Variants in CSGALNACT1 observed in about 807,000 individuals in gnomAD.
CSGALNACT1 encodes the protein beta4GalNAcT-1.
A neutral mutation model predicts 51.0 loss-of-function variants in CSGALNACT1; 52 were observed. The observed-to-expected ratio is 1.02, with a 90% CI of 0.82 to 1.29. The LOEUF (loss-of-function observed/expected upper bound fraction) is 1.29, where lower values mean the gene tolerates loss of function less well. Ranked by LOEUF, CSGALNACT1 falls within the 50% of genes most tolerant of loss-of-function variation. CSGALNACT1 has a pLI of 0.00. For missense variants in CSGALNACT1, 935 were observed against 679.2 expected, an observed-to-expected ratio of 1.38 and a Z score of -4.19; for synonymous variants, 341 against 254.4, an observed-to-expected ratio of 1.34 and a Z score of -3.24.
At chr8:19,521,023 C>T (rs935314893) in intron 3 of CSGALNACT1, among the ~76,000 whole-genome samples, 1 of 152,108 alleles carries the variant, frequency 6.6e-6, no homozygotes, top group Non-Finnish European at 1.5e-5. Flanking sequence ...ATGCAGAATG[C>T]CCTTTCAACA....
At chr8:19,647,034 G>C (rs577882629) in intron 1 of CSGALNACT1, among the ~76,000 whole-genome samples, 1 of 152,200 alleles carries the variant, frequency 6.6e-6, no homozygotes, top group South Asian at 2.1e-4. Flanking sequence ...TTACCACCGA[G>C]CACCTGTAAG....
At chr8:19,475,478 G>C (rs2069344793) in intron 4 of CSGALNACT1, among the ~76,000 whole-genome samples, 1 of 152,138 alleles carries the variant, frequency 6.6e-6, no homozygotes. Flanking sequence ...TCACCATAAA[G>C]TTTTGAAGGA....
At chr8:19,418,412 C>T (rs2057299221) in intron 8 of CSGALNACT1, among the ~76,000 whole-genome samples, 2 of 152,158 alleles carry the variant, frequency 1.3e-5, no homozygotes, top group African/African-American at 4.8e-5. Context: ...GTGATGGAAA[C>T]TATGAAGGTG....
At chr8:19,694,074 T>C (rs2061464923) in intron 1 of CSGALNACT1, among the ~76,000 whole-genome samples, 1 of 152,184 alleles carries the variant, frequency 6.6e-6, no homozygotes, top group African/African-American at 2.4e-5. Context: ...ATAATACTTA[T>C]ATTATTGAGT....
intron 1 of CSGALNACT1, among the ~76,000 whole-genome samples, chr8:19,751,971 T>C (rs1397321650): frequency 6.6e-6 from 1 of 151,348 alleles, no homozygotes; most frequent in African/African-American, 2.4e-5. Flanking sequence ...GACTAATACA[T>C]GTGTATATTT....
intron 6 of CSGALNACT1, among the ~76,000 whole-genome samples, chr8:19,437,332 T>A (rs1051501979): frequency 1.3e-5 from 2 of 152,126 alleles, no homozygotes; most frequent in African/African-American, 4.8e-5. Flanking sequence ...TGCTCCCAGT[T>A]TGGCTAGGGA....
chr8:19,744,576 A>C (rs2064529860), intron 1 of CSGALNACT1, among the ~76,000 whole-genome samples: 1 of 152,212 alleles, frequency 6.6e-6, no homozygotes, highest in South Asian at 2.1e-4. Flanking sequence ...GTATGAATAT[A>C]TAATTTATTT....
At chr8:19,675,406 G>A (rs2060101979) in intron 1 of CSGALNACT1, among the ~76,000 whole-genome samples, 1 of 152,142 alleles carries the variant, frequency 6.6e-6, no homozygotes, top group Non-Finnish European at 1.5e-5. Context: ...AGAAATCAAA[G>A]AGGAAAAGGG....
chr8:19,680,509 T>C (rs181870976), intron 1 of CSGALNACT1, among the ~76,000 whole-genome samples: 42 of 135,784 alleles, frequency 3.1e-4, no homozygotes, highest in African/African-American at 1.1e-3. Flanking sequence ...TCAGCAGAGA[T>C]CACACCACTG....
chr8:19,729,574 G>T (rs2063577709), intron 1 of CSGALNACT1, among the ~76,000 whole-genome samples: 1 of 152,144 alleles, frequency 6.6e-6, no homozygotes, highest in Non-Finnish European at 1.5e-5. Context: ...GTAGATACAG[G>T]TTCCTTTTAA....
Position 19,505,206 on chromosome 8 carries a change from A to T in CSGALNACT1, c.629T>A (p.Ile210Lys), listed in dbSNP as rs772490045. 3 of 1,613,978 alleles carry T rather than the reference A, an allele frequency of 1.9e-6. No individual in the cohort carries two copies. In the African/African-American group the frequency reaches 4.0e-5, roughly 22 times the overall value. The change falls in exon 4 of 10, where the codon ATA becomes AAA. Residue 210 changes from isoleucine (I) to lysine (K), a missense_variant. Transcript: ENST00000454498. ...CCAATTCACAAAATGCTAACCTTCT[A>T]TGAAATCAGAGGCCGTGTAAGGACG... is the stretch of plus-strand genomic sequence containing the variant.
At chr8:19,464,491 A>G (rs1264579034) in intron 4 of CSGALNACT1, among the ~76,000 whole-genome samples, 1 of 152,112 alleles carries the variant, frequency 6.6e-6, no homozygotes, top group Non-Finnish European at 1.5e-5. Flanking sequence ...AAATCTGGGC[A>G]CCAATCAAGC....
At chr8:19,423,932 T>G (rs76131245) in intron 6 of CSGALNACT1, among the ~76,000 whole-genome samples, 2,421 of 152,278 alleles carry the variant, frequency 0.016, 55 homozygotes, top group African/African-American at 0.056. Flanking sequence ...CACGCACTGT[T>G]TCCATGTGGA....
chr8:19,730,113 A>G (rs1242592225), intron 1 of CSGALNACT1, among the ~76,000 whole-genome samples: 1 of 152,196 alleles, frequency 6.6e-6, no homozygotes, highest in Non-Finnish European at 1.5e-5. Flanking sequence ...CCAATCTATA[A>G]TCACGACTCT....
intron 1 of CSGALNACT1, among the ~76,000 whole-genome samples, chr8:19,650,999 G>C (rs1386436620): frequency 1.3e-5 from 2 of 152,150 alleles, no homozygotes; most frequent in Non-Finnish European, 2.9e-5. Flanking sequence ...ACAAAGAAAA[G>C]GTGGGCTCAG....
At chr8:19,585,748 G>A (rs7341651) in intron 3 of CSGALNACT1, among the ~76,000 whole-genome samples, 6 of 152,240 alleles carry the variant, frequency 3.9e-5, no homozygotes, top group East Asian at 1.9e-4. Context: ...TACAAAGAAC[G>A]TTTCTCCAAG....
At chr8:19,580,943 C>A (rs1032498352) in intron 3 of CSGALNACT1, among the ~76,000 whole-genome samples, 1 of 152,020 alleles carries the variant, frequency 6.6e-6, no homozygotes, top group Non-Finnish European at 1.5e-5. Context: ...AGAAGAAAAT[C>A]TAATCAGAAG....
intron 3 of CSGALNACT1, among the ~76,000 whole-genome samples, chr8:19,553,768 T>C (rs1165196458): frequency 2.6e-5 from 4 of 151,146 alleles, no homozygotes; most frequent in Non-Finnish European, 4.4e-5. Context: ...CCAAAGATAA[T>C]AGAAAGGTCA....
At chr8:19,560,830 G>A (rs1005346590) in intron 3 of CSGALNACT1, among the ~76,000 whole-genome samples, 1 of 152,184 alleles carries the variant, frequency 6.6e-6, no homozygotes, top group Non-Finnish European at 1.5e-5. Context: ...ATGCTGGTAT[G>A]CACTGGAATG....
Sources: gnomAD v4.1 joint callset for allele counts (sites outside exome capture counted in the v4.1 genomes callset) on GRCh38, gnomAD v4.1.1 for gene constraint, MANE v1.5 for transcripts, NCBI Gene and HGNC (gene_info 2026-07-23, HGNC 2026-07-21) for gene names.